Variants in TMEM123 observed in about 807,000 individuals in gnomAD.
TMEM123 encodes porimin.
Under a neutral mutation model 19.7 loss-of-function variants are expected in TMEM123, and 16 were observed. The ratio of observed to expected loss-of-function variants is 0.81; its 90% CI spans 0.55 to 1.23. TMEM123 has a LOEUF of 1.23. TMEM123 is among the 50% of genes most tolerant of loss of function. The probability of loss-of-function intolerance (pLI) is 0.00; values close to 1 mark genes in which losing one functional copy is unlikely to be tolerated. For synonymous variants in TMEM123, 118 were observed against 99.4 expected (o/e 1.19, Z -1.12); for missense variants, 313 against 257.8 (o/e 1.21, Z -1.47).
intron 2 of TMEM123, among the ~76,000 whole-genome samples, chr11:102,421,091 G>A (rs1032369755): frequency 1.3e-5 from 2 of 151,986 alleles, no homozygotes; most frequent in African/African-American, 4.8e-5. Flanking sequence ...ACAGACTTTA[G>A]GCAGAAAAAT....
At chr11:102,427,455 T>C (rs1009725919) in intron 2 of TMEM123, among the ~76,000 whole-genome samples, 2 of 149,658 alleles carry the variant, frequency 1.3e-5, no homozygotes, top group African/African-American at 4.9e-5. Flanking sequence ...TTCTTTTTTT[T>C]TTTTTTTTTT....
intron 2 of TMEM123, among the ~76,000 whole-genome samples, chr11:102,443,754 C>T (rs1857852298): frequency 6.6e-6 from 1 of 152,136 alleles, no homozygotes; most frequent in Non-Finnish European, 1.5e-5. Context: ...TCAGAGTGAA[C>T]AAGCAACCTA....
chr11:102,423,089 C>A (rs975444479), intron 2 of TMEM123, among the ~76,000 whole-genome samples: 19 of 152,178 alleles, frequency 1.2e-4, no homozygotes, highest in Admixed American at 7.2e-4. Flanking sequence ...ATGTTCACTG[C>A]AGCACTGTTT....
chr11:102,402,473 A>G (rs1951922955), intron 2 of TMEM123, among the ~76,000 whole-genome samples: 1 of 152,068 alleles, frequency 6.6e-6, no homozygotes, highest in Non-Finnish European at 1.5e-5. Context: ...CCCAGAAGAC[A>G]GAGTTCCCTC....
At chr11:102,433,254 C>A (rs1857731242) in intron 2 of TMEM123, among the ~76,000 whole-genome samples, 1 of 151,966 alleles carries the variant, frequency 6.6e-6, no homozygotes, top group Non-Finnish European at 1.5e-5. Flanking sequence ...GGGAAGGGGG[C>A]TGTACTCTGC....
intron 2 of TMEM123, among the ~76,000 whole-genome samples, chr11:102,420,946 T>C (rs1457164945): frequency 1.3e-5 from 2 of 152,020 alleles, no homozygotes; most frequent in African/African-American, 2.4e-5. Context: ...ACTCTGGAGG[T>C]TGAGGCACAA....
intron 1 of TMEM123, 88 bp from the exon 2 acceptor site, chr11:102,448,956 G>C (rs947058782): frequency 1.5e-6 from 2 of 1,304,586 alleles, no homozygotes; most frequent in Non-Finnish European, 2.2e-6. Flanking sequence ...CGGGAGTAGG[G>C]GTAGTGGTGT....
chr11:102,415,321 T>G (rs537196639), intron 2 of TMEM123, among the ~76,000 whole-genome samples: 2 of 152,284 alleles, frequency 1.3e-5, no homozygotes, highest in South Asian at 2.1e-4. Context: ...AACTCAACAC[T>G]TGACCAAATG....
rs12291456 is a variant in TMEM123 at position 102,398,620 on chromosome 11, T to G, written c.*247A>C. Reference sequence around the variant, plus strand: ...CCAAAAAAAAAAAGATAGGACTTGTTTGTCTTACTATGAACTTGCTAAAAC... The same window carrying G: ...CCAAAAAAAAAAAGATAGGACTTGTGTGTCTTACTATGAACTTGCTAAAAC... On this transcript the variant is annotated 3_prime_UTR_variant, in exon 5 of 5. Coordinates refer to ENST00000398136, the MANE Select transcript of TMEM123 (RefSeq NM_052932.3). 4.5e-3 allele frequency: 2,295 copies of G among 505,292 alleles called. 46 individuals carry two copies. Among genetic ancestry groups the G allele is most frequent in the African/African-American group, 0.042 (2,065 of 49,432 alleles). The allele number at this position is 505,292 out of a possible 1,614,324, so 31.3% of individuals were successfully genotyped here.
chr11:102,401,250 T>G (rs1591552453), intron 4 of TMEM123, among the ~76,000 whole-genome samples: 1 of 152,204 alleles, frequency 6.6e-6, no homozygotes, highest in Non-Finnish European at 1.5e-5. Flanking sequence ...ATTATTGGTA[T>G]GAGTAAGTGA....
At chr11:102,406,658 G>A (rs1283962911) in intron 2 of TMEM123, among the ~76,000 whole-genome samples, 3 of 151,928 alleles carry the variant, frequency 2.0e-5, no homozygotes, top group African/African-American at 4.8e-5. Context: ...GGTAGATCAC[G>A]AGGTCAGGAG....
chr11:102,399,634 TG>T (rs1234552359), intron 4 of TMEM123, among the ~76,000 whole-genome samples: 2 of 152,220 alleles, frequency 1.3e-5, no homozygotes, highest in Admixed American at 6.5e-5. Flanking sequence ...GAGTTTGATA[TG>T]ATAAATATAT....
At position 102,398,783 on chromosome 11, in the gene TMEM123, A is replaced by G; in HGVS notation, c.*84T>C. The G allele has an allele frequency of 7.3e-7, 1 of 1,366,416 alleles. No individual in the cohort carries two copies. Among genetic ancestry groups the G allele is most frequent in the Non-Finnish European group, 1.0e-6 (1 of 969,672 alleles). 84.6% of individuals were successfully genotyped at this position (1,366,416 alleles called of 1,614,324 possible). ...CTGTTTATACTATTTTCAAAAAGAG[A>G]ATATTGTTTTAAACTATTAATAAAC... On this transcript the variant is annotated 3_prime_UTR_variant, in exon 5 of 5. Transcript: ENST00000398136.
At chr11:102,435,048 T>G (rs1013567009) in intron 2 of TMEM123, among the ~76,000 whole-genome samples, 2 of 151,878 alleles carry the variant, frequency 1.3e-5, no homozygotes, top group African/African-American at 4.8e-5. Context: ...CTTCCAGAAT[T>G]TCTACAACGG....
chr11:102,440,305 T>G (rs544860084), intron 2 of TMEM123, among the ~76,000 whole-genome samples: 6 of 152,242 alleles, frequency 3.9e-5, no homozygotes, highest in Non-Finnish European at 7.4e-5. Context: ...GAGAGAAAGG[T>G]TGGGTTATCC....
chr11:102,398,767 C>T lies in TMEM123; in HGVS notation c.*100G>A, dbSNP rs1285110094. The T allele has an allele frequency of 8.2e-6, 10 of 1,226,278 alleles. No individual in the cohort carries two copies. Among genetic ancestry groups the T allele is most frequent in the East Asian group, 2.4e-5 (1 of 42,380 alleles). The allele number at this position is 1,226,278 out of a possible 1,614,324, so 76.0% of individuals were successfully genotyped here. On this transcript the variant is annotated 3_prime_UTR_variant, in exon 5 of 5. Transcript: ENST00000398136. ...ACATTATATGCATGGCCTGTTTATA[C>T]TATTTTCAAAAAGAGAATATTGTTT... is the stretch of plus-strand genomic sequence containing the variant.
intron 2 of TMEM123, among the ~76,000 whole-genome samples, chr11:102,415,493 C>T (rs1304697164): frequency 6.6e-6 from 1 of 152,156 alleles, no homozygotes; most frequent in African/African-American, 2.4e-5. Flanking sequence ...ACCAACCACA[C>T]CCTCAGACCA....
At position 102,434,848 on chromosome 11, in the gene TMEM123, C is replaced by A. The variant is rs989973139; in HGVS notation, c.157+13964G>T. ...AAACATAATTCATTAAAGAGACTAT[C>A]CTTTTCCCATTGTGTATTCTTGCAC... On this transcript the variant is annotated intron_variant, in intron 2 of 4. Transcript: ENST00000398136. Among the ~76,000 whole-genome samples, 3 of 151,868 alleles carry A rather than the reference C, an allele frequency of 2.0e-5. 1 individual carries two copies. The highest frequency in any genetic ancestry group is 7.3e-5 in the African/African-American group (3 of 41,374).
chr11:102,405,275 A>G (rs1359967012), intron 2 of TMEM123, among the ~76,000 whole-genome samples: 1 of 150,650 alleles, frequency 6.6e-6, no homozygotes, highest in East Asian at 2.0e-4. Flanking sequence ...TCTCGATCTG[A>G]TCTCCTGACC....
Sources: gnomAD v4.1 joint callset for allele counts (sites outside exome capture counted in the v4.1 genomes callset) on GRCh38, gnomAD v4.1.1 for gene constraint, MANE v1.5 for transcripts, NCBI Gene and HGNC (gene_info 2026-07-23, HGNC 2026-07-21) for gene names.